The following WWC2 variants were observed in gnomAD, a reference collection of about 807,000 sequenced individuals.
WWC2 encodes the protein WW and C2 domain containing 2, also known as protein WWC2.
A neutral mutation model predicts 138.5 loss-of-function variants in WWC2; 101 were observed. The ratio of observed to expected loss-of-function variants is 0.73; its 90% CI spans 0.62 to 0.86. WWC2 has a LOEUF of 0.86. Among genes scored for constraint, WWC2 ranks in the 40% least tolerant of loss-of-function variants. WWC2 has a pLI of 0.00. For missense variants in WWC2, 1,420 were observed against 1,419.4 expected, an observed-to-expected ratio of 1.00 and a Z score of -0.01; for synonymous variants, 558 against 538.4, an observed-to-expected ratio of 1.04 and a Z score of -0.50.
intron 12 of WWC2, 52 bp downstream of exon 12, chr4:183,265,159 G>C: frequency 1.3e-6 from 2 of 1,567,116 alleles, no homozygotes; most frequent in Non-Finnish European, 1.7e-6. Context: ...CATCGCCGTG[G>C]ATGTGGGTTA....
intron 5 of WWC2, among the ~76,000 whole-genome samples, chr4:183,241,409 G>A (rs559148848): frequency 6.6e-6 from 1 of 152,272 alleles, no homozygotes; most frequent in African/African-American, 2.4e-5. Flanking sequence ...GTCATATCTT[G>A]GGATACGCAG....
chr4:183,130,553 A>G (rs1732894863), intron 1 of WWC2, among the ~76,000 whole-genome samples: 1 of 152,292 alleles, frequency 6.6e-6, no homozygotes, highest in East Asian at 1.9e-4. Context: ...TTGGTACCTT[A>G]TTTAGTCCTT....
intron 1 of WWC2, among the ~76,000 whole-genome samples, chr4:183,117,717 G>A (rs1234531895): frequency 6.7e-6 from 1 of 149,846 alleles, no homozygotes. Context: ...GGATCCTCCT[G>A]CCTCAGCCTC....
At chr4:183,200,290 T>C (rs895315364) in intron 2 of WWC2, among the ~76,000 whole-genome samples, 2 of 152,144 alleles carry the variant, frequency 1.3e-5, no homozygotes, top group Non-Finnish European at 2.9e-5. Flanking sequence ...ATATACCGTG[T>C]CCCCAAGATG....
At chr4:183,284,740 A>G (rs1265681056) in intron 19 of WWC2, among the ~76,000 whole-genome samples, 1 of 152,156 alleles carries the variant, frequency 6.6e-6, no homozygotes, top group Non-Finnish European at 1.5e-5. Flanking sequence ...TTTCTGTTCT[A>G]TATCATATGT....
At chr4:183,172,556 G>GTTTTTTT (rs61599876) in intron 1 of WWC2, among the ~76,000 whole-genome samples, 84 of 112,886 alleles carry the variant, frequency 7.4e-4, no homozygotes, top group Non-Finnish European at 1.0e-3. Flanking sequence ...TATGTTTCTT[G>GTTTTTTT]TTTTTTTTTT....
In WWC2 at chr4:183,286,030, A is replaced by G; in HGVS notation, c.3112A>G (p.Thr1038Ala). ...AAAATCACTGTTTGTGAGAAACTCC[A>G]CCGAACGCCGCAGTTTGAGGGTCAA... ...AKKSLFVRNS[T>A]ERRSLRVKRT... Residue 1038 changes from threonine to alanine, a missense_variant, in exon 20 of 23, where the codon ACC becomes GCC. Thr to Ala is a moderately conservative substitution (Grantham distance 58). Coordinates refer to ENST00000403733, the MANE Select transcript of WWC2 (RefSeq NM_024949.6). 1 of 1,588,762 alleles carries G rather than the reference A, an allele frequency of 6.3e-7. No homozygotes were observed.
Position 183,315,815 on chromosome 4 carries a change from T to C in WWC2, c.*86T>C. 1 of 1,036,396 alleles carries C rather than the reference T, an allele frequency of 9.6e-7. No individual in the cohort carries two copies. The highest frequency in any genetic ancestry group is 2.6e-5 in the East Asian group (1 of 38,086). 64.2% of individuals were successfully genotyped at this position (1,036,396 alleles called of 1,614,324 possible). On this transcript the variant is annotated 3_prime_UTR_variant, in exon 23 of 23. Coordinates refer to ENST00000403733, the MANE Select transcript of WWC2 (RefSeq NM_024949.6). Reference sequence around the variant, plus strand: ...GAAGATTTGTGTTTTTGTTTTGGTGTTTGGTTTTTTTTGGTAACGTAACTG... The same window carrying C: ...GAAGATTTGTGTTTTTGTTTTGGTGCTTGGTTTTTTTTGGTAACGTAACTG...
chr4:183,240,761 A>G (rs1472946305), intron 5 of WWC2: 1 of 152,398 alleles, frequency 6.6e-6, no homozygotes, highest in African/African-American at 2.4e-5. Context: ...AGAGCAAGTT[A>G]GGATTATTAG....
At chr4:183,203,331 GCCCTT>G (rs1735354551) in intron 2 of WWC2, among the ~76,000 whole-genome samples, 1 of 151,774 alleles carries the variant, frequency 6.6e-6, no homozygotes, top group Non-Finnish European at 1.5e-5. Flanking sequence ...GGGTACCTCA[GCCCTT>G]CTGAGGTACC....
At chr4:183,226,120 A>G (rs1442770630) in intron 4 of WWC2, among the ~76,000 whole-genome samples, 3 of 138,550 alleles carry the variant, frequency 2.2e-5, no homozygotes, top group Non-Finnish European at 4.6e-5. Flanking sequence ...TTTTTGATAC[A>G]GGGTCTCGGC....
chr4:183,217,089 G>A (rs1337106974), intron 4 of WWC2, among the ~76,000 whole-genome samples: 1 of 152,184 alleles, frequency 6.6e-6, no homozygotes, highest in Non-Finnish European at 1.5e-5. Flanking sequence ...AAAATTGAAA[G>A]CAAACATTGA....
intron 1 of WWC2, among the ~76,000 whole-genome samples, chr4:183,138,968 C>T (rs1733207769): frequency 6.6e-6 from 1 of 152,156 alleles, no homozygotes; most frequent in African/African-American, 2.4e-5. Context: ...AGAATGCTAT[C>T]ACATGTACTC....
chr4:183,171,774 C>G (rs1734291245), intron 1 of WWC2, among the ~76,000 whole-genome samples: 1 of 152,294 alleles, frequency 6.6e-6, no homozygotes. Context: ...GTATTTGCCG[C>G]TGTGTTTTTA....
chr4:183,133,641 T>C (rs576572845), intron 1 of WWC2, among the ~76,000 whole-genome samples: 4 of 152,046 alleles, frequency 2.6e-5, no homozygotes, highest in Non-Finnish European at 5.9e-5. Context: ...GGATTACAGA[T>C]GCCCACCACC....
rs147951152 is a variant in WWC2, at chr4:183,155,404, T to C, written c.132-38195T>C. On this transcript the variant is annotated intron_variant, in intron 1 of 22. Transcript: ENST00000403733. The stretch of plus-strand genomic sequence containing the variant: ...ACTAAATGATAGGAGGCCTTGGATA[T>C]TGAGAGTAAGAAACTTGAACCTGAT... 7.9e-3 allele frequency among the ~76,000 whole-genome samples: 1,201 copies of C among 152,164 alleles called. 55 individuals are homozygous for C. Among genetic ancestry groups the C allele is most frequent in the Admixed American group, 0.067 (1,027 of 15,274 alleles).
chr4:183,147,880 G>A lies in WWC2; in HGVS notation c.132-45719G>A, dbSNP rs147487710. On this transcript the variant is annotated intron_variant, in intron 1 of 22. Coordinates refer to ENST00000403733, the MANE Select transcript of WWC2 (RefSeq NM_024949.6). ...TCTGGTAAGGTATATATTTGCACAT[G>A]CTAACATACTTTGTTCTGTTTCATT... is the stretch of plus-strand genomic sequence containing the variant. Among the ~76,000 whole-genome samples, 691 of 152,272 alleles carry A rather than the reference G, an allele frequency of 4.5e-3. 5 individuals are homozygous for A. The highest frequency in any genetic ancestry group is 0.016 in the African/African-American group (662 of 41,570).
chr4:183,154,430 C>T (rs1733738182), intron 1 of WWC2, among the ~76,000 whole-genome samples: 2 of 152,114 alleles, frequency 1.3e-5, no homozygotes, highest in Non-Finnish European at 2.9e-5. Flanking sequence ...TTCTGAAGGC[C>T]ATGATCCCCA....
At chr4:183,189,107 T>A (rs1456598650) in intron 1 of WWC2, among the ~76,000 whole-genome samples, 1 of 152,162 alleles carries the variant, frequency 6.6e-6, no homozygotes, top group Non-Finnish European at 1.5e-5. Context: ...TTTGTTTGTT[T>A]CTTTGTGTTG....
Sources: allele counts gnomAD v4.1 joint callset (sites outside exome capture counted in the v4.1 genomes callset), GRCh38; gene constraint gnomAD v4.1.1; transcripts MANE v1.5; gene names NCBI Gene and HGNC (gene_info 2026-07-23, HGNC 2026-07-21).